The following OTUD7A variants were observed in gnomAD, a reference collection of about 807,000 sequenced individuals.
OTUD7A encodes OTU deubiquitinase 7A, also known as OTU domain-containing protein 7A.
A neutral mutation model predicts 65.7 loss-of-function variants in OTUD7A; 12 were observed. That is an observed-to-expected ratio of 0.18 (90% CI 0.12 to 0.30). The LOEUF (loss-of-function observed/expected upper bound fraction) is 0.30. Ranked by LOEUF, OTUD7A falls within the 10% of genes least tolerant of loss-of-function variation. OTUD7A has a pLI of 1.00. For synonymous variants in OTUD7A, 641 were observed against 586.3 expected (o/e 1.09, Z -1.35); for missense variants, 1,148 against 1,304.8 (o/e 0.88, Z 1.85).
At chr15:31,593,271 A>G (rs905138827) in intron 3 of OTUD7A, among the ~76,000 whole-genome samples, 3 of 152,060 alleles carry the variant, frequency 2.0e-5, no homozygotes, top group Non-Finnish European at 4.4e-5. Context: ...GACTGCACAC[A>G]GGACCTACAT....
chr15:31,684,855 G>A (rs1285985473), intron 1 of OTUD7A, among the ~76,000 whole-genome samples: 4 of 148,726 alleles, frequency 2.7e-5, no homozygotes, highest in South Asian at 2.3e-4. Flanking sequence ...ACAAAGATGC[G>A]ATGTCAGGAG....
chr15:31,738,250 G>A (rs1894246563), intron 1 of OTUD7A, among the ~76,000 whole-genome samples: 1 of 152,104 alleles, frequency 6.6e-6, no homozygotes, highest in South Asian at 2.1e-4. Flanking sequence ...GGGGCCTGGA[G>A]CTAATGATGA....
At chr15:31,674,206 G>C (rs1363753402) in intron 1 of OTUD7A, among the ~76,000 whole-genome samples, 1 of 152,192 alleles carries the variant, frequency 6.6e-6, no homozygotes, top group Non-Finnish European at 1.5e-5. Flanking sequence ...ATTCTGGGCT[G>C]GATGAGCAGC....
intron 5 of OTUD7A, among the ~76,000 whole-genome samples, chr15:31,554,675 GA>G (rs1486233892): frequency 1.3e-5 from 2 of 152,152 alleles, no homozygotes; most frequent in African/African-American, 2.4e-5. Context: ...TCTGCCCCCA[GA>G]CACACTGAAG....
intron 3 of OTUD7A, among the ~76,000 whole-genome samples, chr15:31,591,208 GA>G (rs1363482957): frequency 6.6e-6 from 1 of 152,052 alleles, no homozygotes; most frequent in Non-Finnish European, 1.5e-5. Context: ...GAGTTTGAGA[GA>G]TTTGGTGGCT....
intron 1 of OTUD7A, among the ~76,000 whole-genome samples, chr15:31,724,731 A>G (rs1266741219): frequency 6.6e-6 from 1 of 152,208 alleles, no homozygotes; most frequent in African/African-American, 2.4e-5. Flanking sequence ...CCAATGTGAA[A>G]GGACCATCCA....
intron 1 of OTUD7A, among the ~76,000 whole-genome samples, chr15:31,860,723 T>G (rs1282695503): frequency 1.3e-5 from 1 of 75,890 alleles, no homozygotes; most frequent in Non-Finnish European, 3.1e-5. Flanking sequence ...ATATATTTTT[T>G]GGGACGGAGT....
At chr15:31,608,489 G>C (rs149568803) in intron 3 of OTUD7A, among the ~76,000 whole-genome samples, 1 of 152,294 alleles carries the variant, frequency 6.6e-6, no homozygotes, top group East Asian at 1.9e-4. Context: ...TGTGGAATGA[G>C]AGCTAAAAGC....
At chr15:31,562,421 C>T (rs977011827) in intron 4 of OTUD7A, among the ~76,000 whole-genome samples, 2 of 152,174 alleles carry the variant, frequency 1.3e-5, no homozygotes, top group African/African-American at 2.4e-5. Flanking sequence ...AGCTGGCTGC[C>T]GTTATGCACA....
At chr15:31,807,315 G>A (rs1567033810) in intron 1 of OTUD7A, among the ~76,000 whole-genome samples, 1 of 152,132 alleles carries the variant, frequency 6.6e-6, no homozygotes, top group South Asian at 2.1e-4. Flanking sequence ...AAGAGACAGA[G>A]TCTCACAGGG....
chr15:31,480,408 T>C lies in OTUD7A; in HGVS notation c.*2886A>G, dbSNP rs1048617647. 3 of 152,334 alleles carry C rather than the reference T, an allele frequency of 2.0e-5. No homozygotes were observed. Among genetic ancestry groups the C allele is most frequent in the African/African-American group, 7.2e-5 (3 of 41,568 alleles). 9.4% of individuals were successfully genotyped at this position (152,334 alleles called of 1,614,324 possible). A position where few individuals can be genotyped will look rare whatever the true frequency, so the allele number is the denominator to read the frequency against. Reference sequence around the variant, plus strand: ...GCAGTCCCTTGGAGACACCTGTCCTTCCTAGAAAGGGAAGTGTGGCCAGAT... The same window carrying C: ...GCAGTCCCTTGGAGACACCTGTCCTCCCTAGAAAGGGAAGTGTGGCCAGAT... On this transcript the variant is annotated 3_prime_UTR_variant, in exon 13 of 13. Coordinates refer to ENST00000307050, the MANE Select transcript of OTUD7A (RefSeq NM_001382637.1).
At chr15:31,578,007 T>C (rs1012909793) in intron 3 of OTUD7A, among the ~76,000 whole-genome samples, 2 of 152,180 alleles carry the variant, frequency 1.3e-5, no homozygotes, top group African/African-American at 2.4e-5. Context: ...GACTAGTCTC[T>C]GATCAGACTC....
intron 1 of OTUD7A, among the ~76,000 whole-genome samples, chr15:31,667,327 T>C (rs1409764453): frequency 6.6e-6 from 1 of 152,154 alleles, no homozygotes; most frequent in Non-Finnish European, 1.5e-5. Flanking sequence ...TGCACGTATG[T>C]TTAGGATTGT....
chr15:31,833,024 C>T (rs760176049), intron 1 of OTUD7A, among the ~76,000 whole-genome samples: 71 of 152,214 alleles, frequency 4.7e-4, no homozygotes, highest in Non-Finnish European at 9.0e-4. Context: ...TTCCTATCAA[C>T]AGTGAGCAAG....
At chr15:31,860,330 A>G (rs1414307254) in intron 1 of OTUD7A, among the ~76,000 whole-genome samples, 1 of 152,140 alleles carries the variant, frequency 6.6e-6, no homozygotes, top group Non-Finnish European at 1.5e-5. Flanking sequence ...TTCAAATTTT[A>G]TATAAGCAAC....
At chr15:31,742,984 A>G (rs1894383063) in intron 1 of OTUD7A, among the ~76,000 whole-genome samples, 1 of 152,136 alleles carries the variant, frequency 6.6e-6, no homozygotes, top group African/African-American at 2.4e-5. Context: ...AAAAGGAAAT[A>G]TAGACAAATC....
At position 31,479,670 on chromosome 15, in the gene OTUD7A, G is replaced by GGGGGA. The variant is rs1555388197; in HGVS notation, c.*3623_*3624insTCCCC. 1 of 138,152 alleles carries GGGGGA rather than the reference G, an allele frequency of 7.2e-6. No homozygotes were observed. The highest frequency in any genetic ancestry group is 2.9e-5 in the African/African-American group (1 of 35,052). 8.6% of individuals were successfully genotyped at this position (138,152 alleles called of 1,614,324 possible). Reference sequence around the variant, plus strand: ...GTTTGTGGACACTAAGTGGGGGGGGGGGGTGATGGGCCCATGACCCCTCCC... The same window carrying GGGGGA: ...GTTTGTGGACACTAAGTGGGGGGGGGGGGGAGGGTGATGGGCCCATGACCCCTCCC... On this transcript the variant is annotated 3_prime_UTR_variant, in exon 13 of 13. Transcript: ENST00000307050.
At chr15:31,626,937 G>A (rs1226917460) in intron 3 of OTUD7A, among the ~76,000 whole-genome samples, 2 of 141,020 alleles carry the variant, frequency 1.4e-5, no homozygotes, top group East Asian at 2.0e-4. Flanking sequence ...ACACCTTAAA[G>A]ATTACTTTAT....
intron 5 of OTUD7A, among the ~76,000 whole-genome samples, chr15:31,538,043 A>G (rs1469952808): frequency 6.6e-6 from 1 of 152,210 alleles, no homozygotes; most frequent in Non-Finnish European, 1.5e-5. Context: ...TCATACGTCC[A>G]AGACGATCTG....
Sources: gnomAD v4.1 joint callset for allele counts (sites outside exome capture counted in the v4.1 genomes callset) on GRCh38, gnomAD v4.1.1 for gene constraint, MANE v1.5 for transcripts, NCBI Gene and HGNC (gene_info 2026-07-23, HGNC 2026-07-21) for gene names.